The following COMMD10 variants were observed in gnomAD, a reference collection of about 807,000 sequenced individuals.
COMMD10 encodes COMM domain-containing protein 10.
Under a neutral mutation model 28.9 loss-of-function variants are expected in COMMD10, and 33 were observed. The ratio of observed to expected loss-of-function variants is 1.14; its 90% confidence interval spans 0.87 to 1.53. The LOEUF (loss-of-function observed/expected upper bound fraction) is 1.53. COMMD10 is among the 40% of genes most tolerant of loss of function. The probability of loss-of-function intolerance (pLI) is 0.00; values close to 1 mark genes in which losing one functional copy is unlikely to be tolerated. For missense variants in COMMD10, 310 were observed against 233.4 expected, an observed-to-expected ratio of 1.33 and a Z score of -2.14; for synonymous variants, 110 against 81.7, an observed-to-expected ratio of 1.35 and a Z score of -1.87.
intron 5 of COMMD10, among the ~76,000 whole-genome samples, chr5:116,209,397 T>A (rs2112631852): frequency 6.6e-6 from 1 of 152,306 alleles, no homozygotes; most frequent in South Asian, 2.1e-4. Flanking sequence ...CTGTAGTTAA[T>A]ACTGATTTCA....
intron 5 of COMMD10, among the ~76,000 whole-genome samples, chr5:116,223,346 G>A (rs1749313945): frequency 7.4e-6 from 1 of 134,954 alleles, no homozygotes; most frequent in Admixed American, 7.1e-5. Context: ...TTATTACAAT[G>A]TAATATGTGG....
At chr5:116,273,430 C>T (rs951401125) in intron 5 of COMMD10, among the ~76,000 whole-genome samples, 4 of 151,702 alleles carry the variant, frequency 2.6e-5, no homozygotes, top group African/African-American at 7.3e-5. Context: ...AAGATGTCTT[C>T]GAAAGCTTTG....
chr5:116,138,622 AT>A lies in COMMD10; in HGVS notation c.510+4453del, dbSNP rs1227818298. 4.0e-4 allele frequency among the ~76,000 whole-genome samples: 60 copies of A among 150,350 alleles called. No individual in the cohort carries two copies. The East Asian group carries it at 9.7e-3, about 24-fold the overall frequency. On this transcript the variant is annotated intron_variant, in intron 5 of 6. Transcript: ENST00000274458. ...TTTTGAGGAAGGATCCTTGTGTTTC[AT>A]TTTTTTTTCTTTTACAGTAACTGTG...
In COMMD10 at chr5:116,156,869, C is replaced by T. The variant is rs138510890; in HGVS notation, c.510+22691C>T. On this transcript the variant is annotated intron_variant, in intron 5 of 6. Coordinates refer to ENST00000274458, the MANE Select transcript of COMMD10 (RefSeq NM_016144.4). Reference sequence around the variant, plus strand: ...GTTGTATTTTCCAACCCTGCACAGTCCTTGCCCCCTTTATTTTTTCTAAAT... The same window carrying T: ...GTTGTATTTTCCAACCCTGCACAGTTCTTGCCCCCTTTATTTTTTCTAAAT... 1.9e-3 allele frequency among the ~76,000 whole-genome samples: 290 copies of T among 152,208 alleles called. 3 individuals carry two copies. The highest frequency in any genetic ancestry group is 6.6e-3 in the African/African-American group (274 of 41,550).
At position 116,162,282 on chromosome 5, in the gene COMMD10, T is replaced by C. The variant is rs188110072; in HGVS notation, c.510+28104T>C. 2.7e-3 allele frequency among the ~76,000 whole-genome samples: 413 copies of C among 152,236 alleles called. 4 individuals are homozygous for C. The highest frequency in any genetic ancestry group is 9.8e-3 in the African/African-American group (405 of 41,528). ...CAGGTATTTTGGATTGGCATGGTAA[T>C]GACTGTTTAATAAGACTGCAGTACA... is the stretch of plus-strand genomic sequence containing the variant. On this transcript the variant is annotated intron_variant, in intron 5 of 6. Coordinates refer to ENST00000274458, the MANE Select transcript of COMMD10 (RefSeq NM_016144.4).
chr5:116,114,847 A>G (rs577542556), intron 4 of COMMD10, among the ~76,000 whole-genome samples: 3 of 152,000 alleles, frequency 2.0e-5, no homozygotes, highest in Middle Eastern at 3.4e-3. Context: ...GTTGTCACCT[A>G]TCTCATAACT....
intron 5 of COMMD10, among the ~76,000 whole-genome samples, chr5:116,222,423 A>G (rs866665808): frequency 5.9e-5 from 9 of 152,192 alleles, no homozygotes; most frequent in African/African-American, 2.2e-4. Flanking sequence ...TGTACCCATT[A>G]GGGTATCAAA....
intron 5 of COMMD10, among the ~76,000 whole-genome samples, chr5:116,147,144 A>G (rs1752377797): frequency 6.6e-6 from 1 of 151,718 alleles, no homozygotes. Flanking sequence ...TTTGGTGTGT[A>G]TCTGGATGAT....
chr5:116,101,532 T>G (rs1750658312), intron 4 of COMMD10, among the ~76,000 whole-genome samples: 4 of 152,272 alleles, frequency 2.6e-5, no homozygotes, highest in East Asian at 3.9e-4. Context: ...GTTCAAGAGT[T>G]TCTCCCACCT....
chr5:116,244,660 C>CAAAAAAAA (rs60360733), intron 5 of COMMD10, among the ~76,000 whole-genome samples: 37 of 79,440 alleles, frequency 4.7e-4, no homozygotes, highest in Non-Finnish European at 6.6e-4. Context: ...AAAAAAATTA[C>CAAAAAAAA]AAAAAAAAAA....
At chr5:116,288,819 G>A (rs112920157) in intron 5 of COMMD10, among the ~76,000 whole-genome samples, 60 of 140,052 alleles carry the variant, frequency 4.3e-4, no homozygotes, top group African/African-American at 1.4e-3. Flanking sequence ...TGATGTTCTC[G>A]TTTTGTTCAT....
chr5:116,284,839 G>C (rs1751176238), intron 5 of COMMD10, among the ~76,000 whole-genome samples: 1 of 151,866 alleles, frequency 6.6e-6, no homozygotes, highest in Non-Finnish European at 1.5e-5. Flanking sequence ...GTAGAGCCTA[G>C]ACAATCCAAA....
chr5:116,241,470 A>G (rs1749805027), intron 5 of COMMD10, among the ~76,000 whole-genome samples: 1 of 152,172 alleles, frequency 6.6e-6, no homozygotes. Context: ...CACAACCTTT[A>G]CTAAAAAGTG....
rs180933685 is a variant in COMMD10 at position 116,111,874 on chromosome 5, G to A, written c.399+19174G>A. Among the ~76,000 whole-genome samples the A allele has an allele frequency of 6.2e-4, 95 of 152,214 alleles. No homozygotes were observed. The East Asian group carries it at 0.011, about 18-fold the overall frequency. On this transcript the variant is annotated intron_variant, in intron 4 of 6. Transcript: ENST00000274458. ...CTAATGCTGTGAGTGAGATGGTGAC[G>A]TCCCCTATTATTGTTTTTCTGTCTA...
intron 5 of COMMD10, among the ~76,000 whole-genome samples, chr5:116,158,753 A>G (rs1436750047): frequency 3.3e-5 from 5 of 151,970 alleles, no homozygotes; most frequent in Admixed American, 3.3e-4. Context: ...CTGTCTTTGT[A>G]GTTTTGACTT....
intron 5 of COMMD10, among the ~76,000 whole-genome samples, chr5:116,151,356 G>C (rs1010064339): frequency 1.3e-5 from 2 of 151,950 alleles, no homozygotes; most frequent in East Asian, 3.9e-4. Flanking sequence ...TTTGGTATCA[G>C]GATGATGCTG....
At chr5:116,185,127 T>C (rs1444308714) in intron 5 of COMMD10, among the ~76,000 whole-genome samples, 4 of 152,170 alleles carry the variant, frequency 2.6e-5, no homozygotes, top group Non-Finnish European at 5.9e-5. Flanking sequence ...AAGTTCCTCG[T>C]TATTTCTTAG....
At chr5:116,172,055 C>G (rs949037188) in intron 5 of COMMD10, among the ~76,000 whole-genome samples, 1 of 151,982 alleles carries the variant, frequency 6.6e-6, no homozygotes, top group Non-Finnish European at 1.5e-5. Flanking sequence ...TAAGATTTTG[C>G]TTAGTGGTAT....
chr5:116,151,216 T>A (rs139810006), intron 5 of COMMD10, among the ~76,000 whole-genome samples: 118,906 of 150,310 alleles, frequency 0.79, 47,294 homozygotes, highest in Non-Finnish European at 0.83. Flanking sequence ...AGCCCACTTG[T>A]TCATGGTGGA....
Sources: gnomAD v4.1 joint callset for allele counts (sites outside exome capture counted in the v4.1 genomes callset) on GRCh38, gnomAD v4.1.1 for gene constraint, MANE v1.5 for transcripts, NCBI Gene and HGNC (gene_info 2026-07-23, HGNC 2026-07-21) for gene names.